Variants in MYO1H observed in about 807,000 individuals in gnomAD.
The protein encoded by MYO1H is unconventional myosin-Ih.
MYO1H carries 118 observed loss-of-function variants against 149.3 expected under a neutral mutation model. The ratio of observed to expected loss-of-function variants is 0.79; its 90% CI spans 0.68 to 0.92. The LOEUF is 0.92. Ranked by LOEUF, MYO1H falls within the 40% of genes least tolerant of loss-of-function variation. The probability of loss-of-function intolerance (pLI) is 0.00; values close to 1 mark genes in which losing one functional copy is unlikely to be tolerated. For missense variants in MYO1H, 1,212 were observed against 1,280.7 expected (o/e 0.95, Z 0.82); for synonymous variants, 447 against 465.2 (o/e 0.96, Z 0.50).
At chr12:109,408,078 T>A in intron 10 of MYO1H, 165 bp downstream of exon 10, 1 of 819,354 alleles carries the variant, frequency 1.2e-6, no homozygotes, top group African/African-American at 1.7e-5. Flanking sequence ...ACAGTATGGG[T>A]GCATGCCGAA....
At chr12:109,339,228 G>T in the MYO1H span, among the ~76,000 whole-genome samples, 1 of 152,096 alleles carries the variant, frequency 6.6e-6, no homozygotes, top group Admixed American at 6.5e-5. Flanking sequence ...AGCCAGAAGT[G>T]GTGGCAGGCA....
the MYO1H span, among the ~76,000 whole-genome samples, chr12:109,315,408 C>G: frequency 1.3e-3 from 196 of 152,226 alleles, 1 homozygote; most frequent in African/African-American, 4.5e-3. Context: ...GACTATTACT[C>G]TATTCTGTAT....
intron 3 of MYO1H, among the ~76,000 whole-genome samples, chr12:109,394,621 G>A (rs904858570): frequency 6.7e-6 from 1 of 150,196 alleles, no homozygotes; most frequent in South Asian, 2.1e-4. Flanking sequence ...GGAAACTTGA[G>A]CAATTTTTTC....
the MYO1H span, among the ~76,000 whole-genome samples, chr12:109,330,513 G>A: frequency 3.3e-5 from 5 of 152,106 alleles, no homozygotes; most frequent in South Asian, 2.1e-4. Context: ...AACTGGATTC[G>A]TAAGGGCTTC....
chr12:109,345,820 A>G (rs557518710), upstream of MYO1H, among the ~76,000 whole-genome samples: 1 of 152,338 alleles, frequency 6.6e-6, no homozygotes, highest in African/African-American at 2.4e-5. Context: ...ACTTGAAGAC[A>G]CAATGCTAAG....
At chr12:109,321,258 A>G in the MYO1H span, among the ~76,000 whole-genome samples, 1 of 152,112 alleles carries the variant, frequency 6.6e-6, no homozygotes, top group African/African-American at 2.4e-5. Flanking sequence ...TAGAATACAA[A>G]TGGAAATACT....
chr12:109,410,049 A>T, exon 12 of MYO1H: 1 of 1,532,048 alleles, frequency 6.5e-7, no homozygotes, highest in Non-Finnish European at 8.8e-7. Context: ...CAGGCAGAAT[A>T]TGAAATGGAA....
At chr12:109,327,966 AT>A in the MYO1H span, among the ~76,000 whole-genome samples, 1 of 151,734 alleles carries the variant, frequency 6.6e-6, no homozygotes, top group Non-Finnish European at 1.5e-5. Flanking sequence ...CTCCAAAAGT[AT>A]TTTAGGCTGA....
chr12:109,442,149 A>G, intron 26 of MYO1H, 68 bp from the exon 27 acceptor site: 1 of 1,345,882 alleles, frequency 7.4e-7, no homozygotes, highest in African/African-American at 1.4e-5. Context: ...AAACTAGCAG[A>G]TACCAATGAC....
At chr12:109,398,315 G>A (rs951862907) in intron 5 of MYO1H, among the ~76,000 whole-genome samples, 14 of 152,198 alleles carry the variant, frequency 9.2e-5, no homozygotes, top group Admixed American at 1.3e-4. Flanking sequence ...ACAGGAGAAC[G>A]ACTACACTGT....
chr12:109,346,726 T>G (rs1410690687), upstream of MYO1H, among the ~76,000 whole-genome samples: 2 of 152,098 alleles, frequency 1.3e-5, no homozygotes, highest in Non-Finnish European at 2.9e-5. Flanking sequence ...CCTGCCATTG[T>G]GCTCCAGCCT....
At chr12:109,369,481 G>A (rs2137013602) in intron 1 of MYO1H, among the ~76,000 whole-genome samples, 1 of 152,330 alleles carries the variant, frequency 6.6e-6, no homozygotes, top group South Asian at 2.1e-4. Flanking sequence ...TCAAAGAGAT[G>A]AGAGTGGCTT....
chr12:109,444,744 G>A (rs1872406617), intron 30 of MYO1H, among the ~76,000 whole-genome samples: 2 of 151,862 alleles, frequency 1.3e-5, no homozygotes, highest in Non-Finnish European at 1.5e-5. Flanking sequence ...GTGCACACTT[G>A]TAATCCCAGA....
the MYO1H span, among the ~76,000 whole-genome samples, chr12:109,323,619 G>A: frequency 6.6e-6 from 1 of 152,226 alleles, no homozygotes; most frequent in Admixed American, 6.5e-5. Flanking sequence ...CTCCCAGAGG[G>A]TACTGATGCT....
At chr12:109,395,884 GTTTT>G (rs146996912) in intron 3 of MYO1H, among the ~76,000 whole-genome samples, 37,284 of 151,474 alleles carry the variant, frequency 0.25, 5,487 homozygotes, top group East Asian at 0.39. Context: ...TTTTTGTTTT[GTTTT>G]TTGTTGGTTT....
intron 2 of MYO1H, among the ~76,000 whole-genome samples, chr12:109,393,095 ACC>A (rs1869729008): frequency 6.6e-6 from 1 of 152,068 alleles, no homozygotes; most frequent in Non-Finnish European, 1.5e-5. Context: ...GGCATGATCC[ACC>A]GCGCCCGGCC....
chr12:109,418,258 A>G lies in MYO1H; in HGVS notation c.1597+2638A>G, dbSNP rs541051758. On this transcript the variant is annotated intron_variant, in intron 15 of 31. Coordinates refer to ENST00000310903, the Ensembl canonical transcript of MYO1H. The stretch of plus-strand genomic sequence containing the variant: ...TCATTTTTGTGATGGTGTCCTTTGA[A>G]GCACAGAAGTTTTTAGTTTTGATGA... Among the ~76,000 whole-genome samples, 157 of 151,774 alleles carry G rather than the reference A, an allele frequency of 1.0e-3. 1 individual carries two copies. Among genetic ancestry groups the G allele is most frequent in the African/African-American group, 3.6e-3 (150 of 41,380 alleles).
At chr12:109,374,023 G>A (rs1461605666) in intron 1 of MYO1H, among the ~76,000 whole-genome samples, 1 of 152,116 alleles carries the variant, frequency 6.6e-6, no homozygotes, top group Non-Finnish European at 1.5e-5. Flanking sequence ...TGCTTATTTG[G>A]GGCCCTTGTT....
In MYO1H at chr12:109,445,583, TATAAAA is replaced by T. The variant is rs563397648; in HGVS notation, c.3073_3078del (p.Lys1025_Asn1026del). On this transcript the variant is annotated inframe_deletion, in exon 31 of 32. Coordinates refer to ENST00000310903, the Ensembl canonical transcript of MYO1H. ...CGACACTGGACTGGAAGAACAAGTC[TATAAAA>T]ATAAAAATGGACAATTAACAGTGGT... 8.6e-4 allele frequency: 1,391 copies of T among 1,612,672 alleles called. 19 individuals carry two copies. In the South Asian group the frequency reaches 0.013, roughly 16 times the overall value.
Sources: allele counts gnomAD v4.1 joint callset (sites outside exome capture counted in the v4.1 genomes callset), GRCh38; gene constraint gnomAD v4.1.1; transcripts MANE v1.5; gene names NCBI Gene and HGNC (gene_info 2026-07-23, HGNC 2026-07-21).